The following METTL15 variants were observed in gnomAD, a reference collection of about 807,000 sequenced individuals.
METTL15 encodes methyltransferase 15, mitochondrial 12S rRNA N4-cytidine, also known as 12S rRNA N(4)-cytidine methyltransferase METTL15.
Under a neutral mutation model 38.3 loss-of-function variants are expected in METTL15, and 34 were observed. The observed-to-expected ratio is 0.89, with a 90% confidence interval of 0.68 to 1.18. The LOEUF is 1.18. Among genes scored for constraint, METTL15 ranks in the 50% most tolerant of loss-of-function variants. The pLI, the probability that METTL15 is intolerant of heterozygous loss-of-function variation, is 0.00. For synonymous variants in METTL15, 162 were observed against 170.9 expected, an observed-to-expected ratio of 0.95 and a Z score of 0.41; for missense variants, 438 against 498.4, an observed-to-expected ratio of 0.88 and a Z score of 1.15.
intron 3 of METTL15, among the ~76,000 whole-genome samples, chr11:28,128,084 A>G (rs1236865578): frequency 6.6e-6 from 1 of 152,172 alleles, no homozygotes; most frequent in Non-Finnish European, 1.5e-5. Flanking sequence ...ATAATGCCTA[A>G]TAGAAAAGAA....
intron 4 of METTL15, among the ~76,000 whole-genome samples, chr11:28,258,659 C>G (rs773735782): frequency 6.6e-6 from 1 of 152,188 alleles, no homozygotes; most frequent in Non-Finnish European, 1.5e-5. Flanking sequence ...CCACCACAAC[C>G]ATGGGCCCAT....
intron 5 of METTL15, among the ~76,000 whole-genome samples, chr11:28,375,810 A>G (rs906344218): frequency 6.6e-6 from 1 of 151,724 alleles, no homozygotes; most frequent in African/African-American, 2.4e-5. Flanking sequence ...ATTTAGTGCT[A>G]TAAATTTCCC....
intron 3 of METTL15, among the ~76,000 whole-genome samples, chr11:28,188,235 G>T (rs1328300023): frequency 9.9e-5 from 15 of 151,174 alleles, no homozygotes; most frequent in Admixed American, 9.9e-4. Flanking sequence ...AACTATACAT[G>T]AATCACATAT....
intron 6 of METTL15, among the ~76,000 whole-genome samples, chr11:28,514,466 A>G (rs1029093510): frequency 1.3e-5 from 2 of 152,238 alleles, no homozygotes; most frequent in Non-Finnish European, 2.9e-5. Flanking sequence ...TGAACGAACT[A>G]TTTCTAAATT....
chr11:28,452,760 G>A (rs908008031), intron 6 of METTL15, among the ~76,000 whole-genome samples: 13 of 152,132 alleles, frequency 8.5e-5, no homozygotes, highest in East Asian at 1.9e-4. Context: ...CACTGCCCCC[G>A]TTGAGTGCTT....
intron 5 of METTL15, among the ~76,000 whole-genome samples, chr11:28,291,744 G>T (rs1856524222): frequency 6.6e-6 from 1 of 152,012 alleles, no homozygotes; most frequent in African/African-American, 2.4e-5. Flanking sequence ...GATGGAGGTG[G>T]TTGTGTAGAG....
intron 6 of METTL15, among the ~76,000 whole-genome samples, chr11:28,481,616 C>G (rs1851395948): frequency 6.6e-6 from 1 of 152,144 alleles, no homozygotes; most frequent in Non-Finnish European, 1.5e-5. Flanking sequence ...AATATCCCCT[C>G]AAGTCACTGA....
chr11:28,291,017 CA>C (rs1856490309), intron 5 of METTL15, among the ~76,000 whole-genome samples: 1 of 150,892 alleles, frequency 6.6e-6, no homozygotes, highest in African/African-American at 2.4e-5. Flanking sequence ...CAAAAACAAT[CA>C]TATTCTAGGA....
At chr11:28,238,126 C>G (rs955078547) in intron 4 of METTL15, among the ~76,000 whole-genome samples, 2 of 152,210 alleles carry the variant, frequency 1.3e-5, no homozygotes, top group Non-Finnish European at 2.9e-5. Flanking sequence ...AACCACTGCT[C>G]TCTTCAAAGC....
chr11:28,432,807 T>C (rs932443239), intron 6 of METTL15, among the ~76,000 whole-genome samples: 1 of 152,194 alleles, frequency 6.6e-6, no homozygotes, highest in Admixed American at 6.5e-5. Context: ...ATGGAAGCAA[T>C]TGTGCCCTGG....
chr11:28,332,815 G>A lies in METTL15; in HGVS notation c.*1974G>A, dbSNP rs1430370899. On this transcript the variant is annotated 3_prime_UTR_variant, in exon 7 of 7. Coordinates refer to ENST00000407364, the MANE Select transcript of METTL15 (RefSeq NM_001113528.2). ...ACTAAAAATAAAATTAGCCATGCGT[G>A]GTGCTTGTAATGTCAGCTACCCAGG... 2.6e-5 allele frequency: 4 copies of A among 152,034 alleles called. No individual in the cohort carries two copies. Among genetic ancestry groups the A allele is most frequent in the Non-Finnish European group, 5.9e-5 (4 of 68,116 alleles). 9.4% of individuals were successfully genotyped at this position (152,034 alleles called of 1,614,324 possible).
At chr11:28,259,215 T>G (rs1270668150) in intron 4 of METTL15, among the ~76,000 whole-genome samples, 1 of 152,060 alleles carries the variant, frequency 6.6e-6, no homozygotes, top group Non-Finnish European at 1.5e-5. Flanking sequence ...GATTGACCAG[T>G]ACCCTGTCTT....
At chr11:28,506,869 C>G (rs530471768) in intron 6 of METTL15, among the ~76,000 whole-genome samples, 115 of 151,088 alleles carry the variant, frequency 7.6e-4, no homozygotes, top group Non-Finnish European at 1.4e-3. Context: ...CTCAGCCTCT[C>G]AAGTAGTTGA....
intron 6 of METTL15, among the ~76,000 whole-genome samples, chr11:28,495,857 C>G (rs1422017245): frequency 6.6e-6 from 1 of 151,692 alleles, no homozygotes; most frequent in Non-Finnish European, 1.5e-5. Context: ...AGGAAAAATA[C>G]ATTTAGGGAT....
chr11:28,259,528 G>T (rs908526800), intron 4 of METTL15, among the ~76,000 whole-genome samples: 13 of 152,148 alleles, frequency 8.5e-5, no homozygotes, highest in Admixed American at 8.5e-4. Flanking sequence ...TCCGTTGGTG[G>T]TGAGACTTGT....
At chr11:28,313,050 C>G (rs187803355) in intron 6 of METTL15, among the ~76,000 whole-genome samples, 23 of 151,594 alleles carry the variant, frequency 1.5e-4, no homozygotes, top group Non-Finnish European at 3.1e-4. Context: ...TATTGTATCA[C>G]TGAGTAATAG....
At chr11:28,225,452 CTTGA>C (rs1325166230) in intron 4 of METTL15, among the ~76,000 whole-genome samples, 2 of 151,706 alleles carry the variant, frequency 1.3e-5, no homozygotes, top group Admixed American at 6.6e-5. Flanking sequence ...TTTGCAATAA[CTTGA>C]TAGAGTATAG....
At chr11:28,144,309 T>G (rs1849805577) in intron 3 of METTL15, among the ~76,000 whole-genome samples, 1 of 152,150 alleles carries the variant, frequency 6.6e-6, no homozygotes, top group Non-Finnish European at 1.5e-5. Context: ...AGATTATGAC[T>G]TTGACCTCTC....
intron 5 of METTL15, among the ~76,000 whole-genome samples, chr11:28,378,611 T>A (rs7110038): frequency 9.9e-5 from 15 of 152,156 alleles, no homozygotes; most frequent in Admixed American, 2.0e-4. Flanking sequence ...GAAATCACCC[T>A]TCTTCTGCGT....
Sources: allele counts gnomAD v4.1 joint callset (sites outside exome capture counted in the v4.1 genomes callset), GRCh38; gene constraint gnomAD v4.1.1; transcripts MANE v1.5; gene names NCBI Gene and HGNC (gene_info 2026-07-23, HGNC 2026-07-21).